PTPRS: variants seen among roughly 807,000 people sequenced by gnomAD.
PTPRS encodes the protein receptor-type tyrosine-protein phosphatase S.
PTPRS carries 63 observed loss-of-function variants against 215.3 expected under a neutral mutation model. The ratio of observed to expected loss-of-function variants is 0.29; its 90% CI spans 0.24 to 0.36. The LOEUF is 0.36. PTPRS is among the 10% of genes least tolerant of loss of function. The pLI is 1.00. For missense variants in PTPRS, 2,258 were observed against 2,825.8 expected, an observed-to-expected ratio of 0.80 and a Z score of 4.56; for synonymous variants, 1,404 against 1,191.4, an observed-to-expected ratio of 1.18 and a Z score of -3.68.
intron 9 of PTPRS, among the ~76,000 whole-genome samples, chr19:5,250,241 G>T (rs1256831333): frequency 6.6e-6 from 1 of 152,180 alleles, no homozygotes; most frequent in Non-Finnish European, 1.5e-5. Context: ...TTTGCCACGA[G>T]TTTAAGGGAG....
chr19:5,293,373 G>A lies in PTPRS; in HGVS notation c.-94-7139C>T, dbSNP rs1379483359. Reference sequence around the variant, plus strand: ...CCCGAGGAGGGGGATTGGGGGGCAGGGCGGGGCCCCGGCCGGAAGTGGGGC... The same window carrying A: ...CCCGAGGAGGGGGATTGGGGGGCAGAGCGGGGCCCCGGCCGGAAGTGGGGC... On this transcript the variant is annotated intron_variant, in intron 1 of 37. Transcript: ENST00000262963. This position sits in a 1 kb window ranked among gnomAD's most constrained non-coding sequence, Gnocchi z 8.4. The A allele has an allele frequency of 1.3e-5, 2 of 151,762 alleles. No individual in the cohort carries two copies. The highest frequency in any genetic ancestry group is 2.9e-5 in the Non-Finnish European group (2 of 67,914). The allele number at this position is 151,762 out of a possible 1,614,324, so 9.4% of individuals were successfully genotyped here.
chr19:5,238,790 G>A (rs2043711805), intron 13 of PTPRS, 129 bp downstream of exon 13: 6 of 1,276,186 alleles, frequency 4.7e-6, no homozygotes, highest in Non-Finnish European at 5.1e-6. Flanking sequence ...GGGGAACAAA[G>A]CGGAGACAGG....
chr19:5,214,258 C>T, intron 30 of PTPRS, 103 bp downstream of exon 30: 1 of 1,513,780 alleles, frequency 6.6e-7, no homozygotes, highest in Non-Finnish European at 9.0e-7. Context: ...GCTCCGCTTT[C>T]TCTCTGTCCC....
intron 13 of PTPRS, among the ~76,000 whole-genome samples, chr19:5,231,990 G>A (rs1568433451): frequency 6.6e-6 from 1 of 152,242 alleles, no homozygotes; most frequent in Non-Finnish European, 1.5e-5. Context: ...TTGGCATCGT[G>A]CCAAGGGGAA....
intron 1 of PTPRS, among the ~76,000 whole-genome samples, chr19:5,307,655 G>A (rs1275282945): frequency 1.3e-5 from 2 of 152,120 alleles, no homozygotes; most frequent in African/African-American, 4.8e-5. Flanking sequence ...CCGTAGCCAC[G>A]AGCCGTATGT....
rs959977260 is a variant in PTPRS, at chr19:5,215,627, G to T, written c.4097-32C>A. The T allele has an allele frequency of 3.9e-6, 6 of 1,525,624 alleles. No homozygotes were observed. The South Asian group carries it at 7.3e-5, about 19-fold the overall frequency. 94.5% of individuals were successfully genotyped at this position (1,525,624 alleles called of 1,614,324 possible). ...GGTGGAGCAGACCCCGCCGGGGTTG[G>T]TCACTTGGGGGGCCAGCCGGGGACT... On this transcript the variant is annotated intron_variant, in intron 26 of 37. Transcript: ENST00000262963.
chr19:5,296,704 G>T (rs2049144710), intron 1 of PTPRS, among the ~76,000 whole-genome samples: 1 of 124,334 alleles, frequency 8.0e-6, no homozygotes, highest in Non-Finnish European at 1.8e-5. Context: ...TGAGGAAGGG[G>T]AGACAAAGAG....
At chr19:5,228,914 C>T (rs771245255) in intron 16 of PTPRS, among the ~76,000 whole-genome samples, 1 of 152,224 alleles carries the variant, frequency 6.6e-6, no homozygotes, top group African/African-American at 2.4e-5. Flanking sequence ...CCAGACAGGG[C>T]TGAATTGAGT....
chr19:5,281,473 A>T (rs903946046), intron 2 of PTPRS, among the ~76,000 whole-genome samples: 1 of 152,130 alleles, frequency 6.6e-6, no homozygotes, highest in South Asian at 2.1e-4. Flanking sequence ...AAAACAAACC[A>T]CCACAAAAAA....
At chr19:5,301,840 C>T (rs1004993477) in intron 1 of PTPRS, among the ~76,000 whole-genome samples, 12 of 152,038 alleles carry the variant, frequency 7.9e-5, no homozygotes, top group South Asian at 6.2e-4. Flanking sequence ...GAGTGTAGCG[C>T]GGCAATCTCA....
rs1165859567 is a variant in PTPRS at position 5,274,259 on chromosome 19, G to A, written c.177C>T (p.Asp59=). 1 of 1,613,972 alleles carries A rather than the reference G, an allele frequency of 6.2e-7. No homozygotes were observed. Among genetic ancestry groups the A allele is most frequent in the South Asian group, 1.1e-5 (1 of 91,078 alleles). Reference sequence around the variant, plus strand: ...TGTTCCAGGTCACTCGTGGCTTGGGGTCACCCGTGGCCTGACACACGAAAG... The same window carrying A: ...TGTTCCAGGTCACTCGTGGCTTGGGATCACCCGTGGCCTGACACACGAAAG... ...VASFVCQATG[D]PKPRVTWNKK... is the part of the protein sequence containing the mutation. Residue 59 remains aspartate, a synonymous_variant, in exon 3 of 38, where the codon GAC becomes GAT. Coordinates refer to ENST00000262963, the MANE Select transcript of PTPRS (RefSeq NM_002850.4).
chr19:5,314,008 G>A (rs1234569624), intron 1 of PTPRS, among the ~76,000 whole-genome samples: 5 of 151,970 alleles, frequency 3.3e-5, no homozygotes, highest in Non-Finnish European at 7.3e-5. Flanking sequence ...ATGGTGGCGT[G>A]TGTCTGTAGT....
At position 5,238,934 on chromosome 19, in the gene PTPRS, G is replaced by C. The variant is rs745665862; in HGVS notation, c.1834C>G (p.Arg612Gly). 6.2e-7 allele frequency: 1 copy of C among 1,607,604 alleles called. No homozygotes were observed. The highest frequency in any genetic ancestry group is 8.5e-7 in the Non-Finnish European group (1 of 1,177,432). The stretch of plus-strand genomic sequence containing the variant: ...AGACACCTACTGGACTGCAGCGTGC[G>C]CTGCCGCACCACGGGGGTGAAGGCG... ...LGAFTPVVRQ[R>G]TLQSKPSAPP... Residue 612 changes from arginine (R) to glycine (G), a missense_variant, in exon 13 of 38, where the codon CGC becomes GGC. By Grantham distance (125) the Arg-to-Gly change is moderately radical (BLOSUM62 -2). This residue lies in a region of PTPRS where 371 missense variants were observed against 446.7 expected (regional missense o/e 0.83). Transcript: ENST00000262963.
At chr19:5,221,371 G>A (rs2041961214) in intron 19 of PTPRS, 118 bp from the exon 20 acceptor site, 5 of 1,363,558 alleles carry the variant, frequency 3.7e-6, no homozygotes, top group African/African-American at 1.5e-5. Context: ...TCCTGCCCTA[G>A]GCAGAAATCT....
chr19:5,277,756 T>C (rs1285862328), intron 2 of PTPRS: 2 of 702,690 alleles, frequency 2.8e-6, no homozygotes, highest in Non-Finnish European at 2.6e-6. Context: ...AGACTCCTCA[T>C]GAAGCCCAAG....
chr19:5,219,942 C>T lies in PTPRS; in HGVS notation c.3762G>A (p.Glu1254=), dbSNP rs1471464737. 2.5e-6 allele frequency: 4 copies of T among 1,613,448 alleles called. No homozygotes were observed. In the African/African-American group the frequency reaches 5.3e-5, roughly 22 times the overall value. ...GCGGACACCATTCAGGACTTACAGGCTCGCTCTTCTGAAGCACGGCAAGCA... is the reference window on the plus strand; with the variant it reads ...GCGGACACCATTCAGGACTTACAGGTTCGCTCTTCTGAAGCACGGCAAGCA... The part of the protein sequence containing the change: ...LFVLAVLQKS[E]PTFAASPFSD... The change falls in exon 22 of 38, where the codon GAG becomes GAA. Residue 1254 remains glutamate (E), a synonymous_variant. Transcript: ENST00000262963.
At chr19:5,301,324 T>C (rs1335906990) in intron 1 of PTPRS, among the ~76,000 whole-genome samples, 11 of 151,074 alleles carry the variant, frequency 7.3e-5, no homozygotes, top group Non-Finnish European at 1.5e-5. Context: ...GCTGTTTTTT[T>C]TTTTTTTTTG....
chr19:5,240,448 CTTTTA>C, intron 11 of PTPRS, 116 bp from the exon 12 acceptor site: 1 of 1,108,646 alleles, frequency 9.0e-7, no homozygotes, highest in Non-Finnish European at 1.2e-6. Context: ...CTAGAATGTT[CTTTTA>C]TTTTCCTGGG....
rs1376177982 is a variant in PTPRS, at chr19:5,237,879, C to T, written c.1849+1040G>A. On this transcript the variant is annotated intron_variant, in intron 13 of 37. Coordinates refer to ENST00000262963, the MANE Select transcript of PTPRS (RefSeq NM_002850.4). This position sits in a 1 kb window ranked among gnomAD's most constrained non-coding sequence, Gnocchi z 4.2. ...GGGCAGGGGGGTTGTGTCTCCGAGGCGCCCCACCCCCCCGATCCCAGCGGC... is the reference window on the plus strand; with the variant it reads ...GGGCAGGGGGGTTGTGTCTCCGAGGTGCCCCACCCCCCCGATCCCAGCGGC... Among the ~76,000 whole-genome samples, 2 of 152,030 alleles carry T rather than the reference C, an allele frequency of 1.3e-5. No individual in the cohort carries two copies. Among genetic ancestry groups the T allele is most frequent in the African/African-American group, 4.8e-5 (2 of 41,406 alleles).
Sources: allele counts gnomAD v4.1 joint callset (sites outside exome capture counted in the v4.1 genomes callset), GRCh38; gene constraint gnomAD v4.1.1; regional missense constraint gnomAD v4.1.1; non-coding constraint Gnocchi (gnomAD v3.1); transcripts MANE v1.5; gene names NCBI Gene and HGNC (gene_info 2026-07-23, HGNC 2026-07-21).